SLC25A13: variants seen among roughly 807,000 people sequenced by gnomAD.
The protein encoded by SLC25A13 is electrogenic aspartate/glutamate antiporter SLC25A13, mitochondrial.
In SLC25A13, 70 loss-of-function variants were observed where a neutral mutation model predicts 85.5. The observed-to-expected ratio is 0.82, with a 90% CI of 0.68 to 1.00. The LOEUF is 1.00. SLC25A13 is among the 50% of genes least tolerant of loss of function. The probability of loss-of-function intolerance (pLI) is 0.00; values close to 1 mark genes in which losing one functional copy is unlikely to be tolerated. For missense variants in SLC25A13, 765 were observed against 819.8 expected, an observed-to-expected ratio of 0.93 and a Z score of 0.82; for synonymous variants, 259 against 288.7, an observed-to-expected ratio of 0.90 and a Z score of 1.04.
At chr7:96,320,607 G>T (rs946153334) in intron 1 of SLC25A13, among the ~76,000 whole-genome samples, 3 of 152,160 alleles carry the variant, frequency 2.0e-5, no homozygotes, top group Non-Finnish European at 1.5e-5. Flanking sequence ...AGAAACTGCT[G>T]AAAAGTTATA....
chr7:96,144,738 A>C (rs968485615), intron 14 of SLC25A13, among the ~76,000 whole-genome samples: 1 of 152,206 alleles, frequency 6.6e-6, no homozygotes, highest in African/African-American at 2.4e-5. Context: ...GAAGTGTTAA[A>C]GGGGATTAAG....
At chr7:96,129,911 C>T (rs1791948809) in intron 15 of SLC25A13, among the ~76,000 whole-genome samples, 1 of 152,130 alleles carries the variant, frequency 6.6e-6, no homozygotes, top group Non-Finnish European at 1.5e-5. Context: ...ACTATCTATA[C>T]AAAGTGTGAT....
At chr7:96,306,803 C>A in intron 1 of SLC25A13, 2 of 1,356,440 alleles carry the variant, frequency 1.5e-6, no homozygotes, top group Non-Finnish European at 2.1e-6. Context: ...ATCATCTCTA[C>A]CCCCAGGGAC....
At chr7:96,186,297 C>T (rs986379956) in intron 9 of SLC25A13, among the ~76,000 whole-genome samples, 3 of 152,076 alleles carry the variant, frequency 2.0e-5, no homozygotes, top group African/African-American at 4.8e-5. Flanking sequence ...GACGTGGTGG[C>T]GCATGCCTGT....
intron 14 of SLC25A13, among the ~76,000 whole-genome samples, chr7:96,136,475 T>A (rs1792292229): frequency 6.6e-6 from 1 of 152,216 alleles, no homozygotes; most frequent in South Asian, 2.1e-4. Context: ...CAACAGGATT[T>A]GTATCTCTCT....
At chr7:96,286,364 C>A (rs1301396050) in intron 2 of SLC25A13, among the ~76,000 whole-genome samples, 1 of 152,070 alleles carries the variant, frequency 6.6e-6, no homozygotes, top group Non-Finnish European at 1.5e-5. Context: ...CTACCACCAC[C>A]CAGGATCCTG....
intron 4 of SLC25A13, among the ~76,000 whole-genome samples, chr7:96,214,141 G>A (rs1795798809): frequency 6.6e-6 from 1 of 152,124 alleles, no homozygotes; most frequent in African/African-American, 2.4e-5. Flanking sequence ...TATATCATGA[G>A]AAGACAATTA....
At chr7:96,295,644 A>G (rs1279618282) in intron 2 of SLC25A13, among the ~76,000 whole-genome samples, 1 of 152,154 alleles carries the variant, frequency 6.6e-6, no homozygotes, top group African/African-American at 2.4e-5. Flanking sequence ...TATCCTGTCC[A>G]TGTTCAAAGT....
intron 6 of SLC25A13, among the ~76,000 whole-genome samples, chr7:96,192,684 AT>A (rs5885944): frequency 0.37 from 53,447 of 143,262 alleles, 9,431 homozygotes; most frequent in East Asian, 0.58. Flanking sequence ...CATGTGCACT[AT>A]TTTTTTTTTT....
rs186479816 is a variant in SLC25A13, at chr7:96,306,871, G to A, written c.16-9920C>T. ...CAAACGAGAAGAAGGAGGAACCCAA[G>A]TAGCTTTGTGGCTTCACTCCAATCT... On this transcript the variant is annotated intron_variant, in intron 1 of 17. Transcript: ENST00000265631. The A allele has an allele frequency of 2.1e-4, 262 of 1,269,428 alleles. 2 individuals carry two copies. The East Asian group carries it at 6.0e-3, about 29-fold the overall frequency. 78.6% of individuals were successfully genotyped at this position (1,269,428 alleles called of 1,614,324 possible).
intron 2 of SLC25A13, chr7:96,283,670 C>A: frequency 3.4e-6 from 1 of 294,472 alleles, no homozygotes; most frequent in South Asian, 3.4e-5. Flanking sequence ...AGATAGCTTC[C>A]TGAAATGCAT....
chr7:96,233,236 T>A (rs73710235), intron 4 of SLC25A13, among the ~76,000 whole-genome samples: 1 of 152,334 alleles, frequency 6.6e-6, no homozygotes, highest in African/African-American at 2.4e-5. Context: ...GGCTTTCCTC[T>A]GTTCATCCCC....
chr7:96,292,327 T>C (rs1315488641), intron 2 of SLC25A13, among the ~76,000 whole-genome samples: 1 of 152,174 alleles, frequency 6.6e-6, no homozygotes, highest in Non-Finnish European at 1.5e-5. Context: ...AATATCATAC[T>C]AAATGGGCAA....
chr7:96,202,344 A>G (rs550044779), intron 5 of SLC25A13, among the ~76,000 whole-genome samples: 1 of 152,312 alleles, frequency 6.6e-6, no homozygotes, highest in East Asian at 1.9e-4. Flanking sequence ...TGAGGACCAG[A>G]GTAAAACTAT....
intron 1 of SLC25A13, among the ~76,000 whole-genome samples, chr7:96,301,134 A>C (rs1487058829): frequency 1.3e-5 from 2 of 152,234 alleles, no homozygotes; most frequent in Non-Finnish European, 2.9e-5. Flanking sequence ...CCACCCTTTT[A>C]AAGTCAATTC....
intron 2 of SLC25A13, among the ~76,000 whole-genome samples, chr7:96,279,842 T>C (rs543971949): frequency 1.3e-5 from 2 of 152,298 alleles, no homozygotes; most frequent in Admixed American, 1.3e-4. Context: ...ATTTTTCCAC[T>C]TAATCTCTTG....
At chr7:96,303,276 A>G (rs1285770437) in intron 1 of SLC25A13, among the ~76,000 whole-genome samples, 1 of 152,132 alleles carries the variant, frequency 6.6e-6, no homozygotes, top group Non-Finnish European at 1.5e-5. Context: ...CTACTATCAT[A>G]AAGTAAATAT....
At chr7:96,279,214 T>C (rs1798571929) in intron 2 of SLC25A13, among the ~76,000 whole-genome samples, 1 of 152,218 alleles carries the variant, frequency 6.6e-6, no homozygotes, top group Non-Finnish European at 1.5e-5. Context: ...TTTACTCACT[T>C]TGGTCTATTA....
At chr7:96,268,096 G>A (rs1417785491) in intron 3 of SLC25A13, among the ~76,000 whole-genome samples, 2 of 152,102 alleles carry the variant, frequency 1.3e-5, no homozygotes, top group African/African-American at 4.8e-5. Context: ...CTTGGTACCC[G>A]TAACCCTCAG....
Sources: gnomAD v4.1 joint callset for allele counts (sites outside exome capture counted in the v4.1 genomes callset) on GRCh38, gnomAD v4.1.1 for gene constraint, MANE v1.5 for transcripts, NCBI Gene and HGNC (gene_info 2026-07-23, HGNC 2026-07-21) for gene names.